Variants in WWOX observed in about 807,000 individuals in gnomAD.
The protein encoded by WWOX is WW domain containing oxidoreductase, also known as WW domain-containing oxidoreductase.
A neutral mutation model predicts 46.2 loss-of-function variants in WWOX; 69 were observed. That is an observed-to-expected ratio of 1.49 (90% CI 1.23 to 1.82). The LOEUF (loss-of-function observed/expected upper bound fraction) is 1.82. Among genes scored for constraint, WWOX ranks in the 40% most tolerant of loss-of-function variants. WWOX has a pLI of 0.00. For synonymous variants in WWOX, 359 were observed against 202.6 expected, an observed-to-expected ratio of 1.77 and a Z score of -6.56; for missense variants, 919 against 542.6, an observed-to-expected ratio of 1.69 and a Z score of -6.89.
At chr16:78,373,966 T>C (rs1286362539) in intron 5 of WWOX, among the ~76,000 whole-genome samples, 3 of 152,164 alleles carry the variant, frequency 2.0e-5, no homozygotes, top group African/African-American at 4.8e-5. Context: ...TTTGTATTTT[T>C]AGTAGAGATG....
intron 8 of WWOX, among the ~76,000 whole-genome samples, chr16:79,134,997 T>G (rs1484891437): frequency 6.6e-5 from 10 of 152,196 alleles, no homozygotes; most frequent in African/African-American, 1.9e-4. Flanking sequence ...TGATTTGAAA[T>G]TGAAATGAGG....
At chr16:78,428,066 T>G (rs761437003) in intron 7 of WWOX, among the ~76,000 whole-genome samples, 5 of 152,112 alleles carry the variant, frequency 3.3e-5, no homozygotes, top group African/African-American at 7.2e-5. Flanking sequence ...AGACCCTGTT[T>G]CAGAAAACAA....
At chr16:78,593,708 A>G (rs1173385366) in intron 8 of WWOX, among the ~76,000 whole-genome samples, 1 of 146,682 alleles carries the variant, frequency 6.8e-6, no homozygotes, top group Non-Finnish European at 1.5e-5. Flanking sequence ...ACAACAGAGG[A>G]AAACTGCCTG....
chr16:78,934,117 C>T (rs1322605269), intron 8 of WWOX, among the ~76,000 whole-genome samples: 1 of 151,816 alleles, frequency 6.6e-6, no homozygotes, highest in African/African-American at 2.4e-5. Context: ...GGGCAGATCA[C>T]AAGGTCAGGA....
intron 8 of WWOX, among the ~76,000 whole-genome samples, chr16:78,813,206 C>G (rs530288179): frequency 7.3e-5 from 11 of 151,156 alleles, no homozygotes; most frequent in South Asian, 2.1e-4. Flanking sequence ...TGTTGTTTTG[C>G]TATCATAGCG....
intron 8 of WWOX, among the ~76,000 whole-genome samples, chr16:78,927,709 C>T (rs1484480881): frequency 6.6e-6 from 1 of 152,160 alleles, no homozygotes; most frequent in East Asian, 1.9e-4. Flanking sequence ...ATTGAGCTTA[C>T]TTGGTGCCTG....
chr16:79,141,564 GC>G (rs2050089304), intron 8 of WWOX, among the ~76,000 whole-genome samples: 1 of 152,222 alleles, frequency 6.6e-6, no homozygotes, highest in Admixed American at 6.5e-5. Context: ...CAGCTCTTTG[GC>G]TTTGTAGAAG....
intron 8 of WWOX, among the ~76,000 whole-genome samples, chr16:78,689,755 C>G (rs1308662864): frequency 6.6e-6 from 1 of 152,194 alleles, no homozygotes; most frequent in Non-Finnish European, 1.5e-5. Flanking sequence ...GAGTTGAGCC[C>G]TATCTCTCTC....
At chr16:79,085,328 A>G (rs536694707) in intron 8 of WWOX, among the ~76,000 whole-genome samples, 5 of 152,186 alleles carry the variant, frequency 3.3e-5, no homozygotes, top group Non-Finnish European at 5.9e-5. Flanking sequence ...CAGTAGTAAT[A>G]GTGGCCAAGA....
At chr16:78,158,190 A>C (rs918862258) in intron 4 of WWOX, among the ~76,000 whole-genome samples, 1 of 152,194 alleles carries the variant, frequency 6.6e-6, no homozygotes, top group African/African-American at 2.4e-5. Flanking sequence ...GAATGAATGA[A>C]CTTTACTAGG....
intron 8 of WWOX, chr16:78,495,889 T>C (rs937668587): frequency 1.3e-5 from 2 of 152,190 alleles, no homozygotes; most frequent in Non-Finnish European, 2.9e-5. Context: ...TTTATAATTT[T>C]CGGTTACTAG....
At chr16:78,357,038 C>G (rs921183981) in intron 5 of WWOX, among the ~76,000 whole-genome samples, 1 of 152,200 alleles carries the variant, frequency 6.6e-6, no homozygotes, top group African/African-American at 2.4e-5. Context: ...ATCCATTTAT[C>G]AAGATACAGG....
chr16:78,826,925 C>T (rs984536374), intron 8 of WWOX, among the ~76,000 whole-genome samples: 7 of 152,234 alleles, frequency 4.6e-5, no homozygotes, highest in Admixed American at 6.5e-5. Context: ...CACTACATGC[C>T]GGACACCAAG....
chr16:78,392,140 G>C (rs974507317), intron 6 of WWOX, among the ~76,000 whole-genome samples: 5 of 152,040 alleles, frequency 3.3e-5, no homozygotes, highest in Admixed American at 2.0e-4. Flanking sequence ...GCATGGCAGG[G>C]AGTGAGTGGT....
At chr16:78,383,393 T>G (rs2081995663) in intron 5 of WWOX, among the ~76,000 whole-genome samples, 1 of 152,152 alleles carries the variant, frequency 6.6e-6, no homozygotes, top group Non-Finnish European at 1.5e-5. Context: ...TAGTTTCAAA[T>G]AAAAGTTAAC....
intron 5 of WWOX, among the ~76,000 whole-genome samples, chr16:78,333,168 A>T (rs1332456668): frequency 6.8e-6 from 1 of 148,114 alleles, no homozygotes; most frequent in Non-Finnish European, 1.5e-5. Flanking sequence ...CTCCTGCCTC[A>T]GCCTCCTGGG....
intron 5 of WWOX, among the ~76,000 whole-genome samples, chr16:78,318,712 T>G (rs943452844): frequency 2.0e-5 from 3 of 152,306 alleles, no homozygotes; most frequent in African/African-American, 7.2e-5. Flanking sequence ...ATAATTTCTG[T>G]AAGTACTGGC....
At chr16:78,533,624 G>A (rs894164560) in intron 8 of WWOX, among the ~76,000 whole-genome samples, 3 of 152,064 alleles carry the variant, frequency 2.0e-5, no homozygotes, top group African/African-American at 7.2e-5. Context: ...TCCTGGGCTG[G>A]CCTGAGAGGC....
At chr16:78,485,784 G>A (rs1465639862) in intron 8 of WWOX, among the ~76,000 whole-genome samples, 1 of 152,174 alleles carries the variant, frequency 6.6e-6, no homozygotes, top group Non-Finnish European at 1.5e-5. Flanking sequence ...CCAGCATGGG[G>A]CTTCATACAT....
Sources: gnomAD v4.1 joint callset for allele counts (sites outside exome capture counted in the v4.1 genomes callset) on GRCh38, gnomAD v4.1.1 for gene constraint, MANE v1.5 for transcripts, NCBI Gene and HGNC (gene_info 2026-07-23, HGNC 2026-07-21) for gene names.